ECSIT: variants seen among roughly 807,000 people sequenced by gnomAD.
ECSIT encodes ECSIT signaling integrator.
A neutral mutation model predicts 36.8 loss-of-function variants in ECSIT; 29 were observed. The observed-to-expected ratio is 0.79, with a 90% confidence interval of 0.59 to 1.08. The LOEUF (loss-of-function observed/expected upper bound fraction) is 1.08. Among genes scored for constraint, ECSIT ranks in the 50% least tolerant of loss-of-function variants. The probability of loss-of-function intolerance (pLI) is 0.00; values close to 1 mark genes in which losing one functional copy is unlikely to be tolerated. For missense variants in ECSIT, 542 were observed against 581.0 expected (o/e 0.93, Z 0.69); for synonymous variants, 231 against 234.8 (o/e 0.98, Z 0.15).
chr19:11,516,542 A>T (rs1362077231), intron 2 of ECSIT, among the ~76,000 whole-genome samples: 2 of 152,058 alleles, frequency 1.3e-5, no homozygotes, highest in Admixed American at 6.6e-5. Flanking sequence ...AGTCCCAGCT[A>T]CTCAGGAGGC....
At position 11,514,212 on chromosome 19, in the gene ECSIT, G is replaced by A. The variant is rs140493280; in HGVS notation, c.106C>T (p.Arg36Trp). The A allele has an allele frequency of 1.2e-5, 20 of 1,602,940 alleles. No homozygotes were observed. Among genetic ancestry groups the A allele is most frequent in the East Asian group, 6.7e-5 (3 of 44,700 alleles). ...CTGCAGTGGAGGCCCCGAGGGAGCCGGCGAGGGACCTGGGGAGGGAGGAGA... is the reference window on the plus strand; with the variant it reads ...CTGCAGTGGAGGCCCCGAGGGAGCCAGCGAGGGACCTGGGGAGGGAGGAGA... ...TGTSISQVPR[R>W]LPRGLHCSAA... The change falls in exon 3 of 8, where the codon CGG becomes TGG. Residue 36 changes from arginine to tryptophan, a missense_variant. Transcript: ENST00000270517.
chr19:11,513,975 G>C lies in ECSIT; in HGVS notation c.343C>G (p.Arg115Gly). ...TCGACACCATACTCCCGCATCTTGC[G>C]CAGGGCCAGGTAGATGAAGTCAATG... ...GHIDFIYLALRKMREYGVERD... is the reference protein window; with the variant it reads ...GHIDFIYLALGKMREYGVERD... Residue 115 changes from arginine (R) to glycine (G), a missense_variant, in exon 3 of 8, where the codon CGC (arginine) becomes GGC (glycine). Arg to Gly is a moderately radical substitution (Grantham distance 125). Transcript: ENST00000270517. 6.2e-7 allele frequency: 1 copy of C among 1,614,206 alleles called. No homozygotes were observed. Among genetic ancestry groups the C allele is most frequent in the Non-Finnish European group, 8.5e-7 (1 of 1,180,040 alleles).
At chr19:11,522,808 C>T (rs1599589994) in intron 1 of ECSIT, among the ~76,000 whole-genome samples, 1 of 152,154 alleles carries the variant, frequency 6.6e-6, no homozygotes. Flanking sequence ...CGGTGGCTCA[C>T]GCCTGTAATC....
At chr19:11,525,749 AAAAAAAAAAAAATAC>A (rs1568408117) in intron 1 of ECSIT, 1 of 151,036 alleles carries the variant, frequency 6.6e-6, no homozygotes, top group African/African-American at 2.4e-5. Flanking sequence ...TAACAAAAAA[AAAAAAAAAAAAATAC>A]AAAATTAGCC....
At chr19:11,522,585 A>G (rs1006812863) in intron 1 of ECSIT, 9 of 609,374 alleles carry the variant, frequency 1.5e-5, no homozygotes, top group African/African-American at 9.3e-5. Context: ...ATGGTGGTAC[A>G]TGCCTGTAAT....
chr19:11,518,278 T>G (rs950170413), intron 2 of ECSIT, among the ~76,000 whole-genome samples: 1 of 151,870 alleles, frequency 6.6e-6, no homozygotes, highest in Admixed American at 6.6e-5. Flanking sequence ...ATTACAAAAA[T>G]TAGCTGGGCG....
At position 11,513,051 on chromosome 19, in the gene ECSIT, G is replaced by T; in HGVS notation, c.738+5C>A. 5 of 1,613,604 alleles carry T rather than the reference G, an allele frequency of 3.1e-6. No individual in the cohort carries two copies. The highest frequency in any genetic ancestry group is 1.1e-5 in the South Asian group (1 of 91,068). On this transcript the variant is annotated splice_donor_5th_base_variant and intron_variant, in intron 4 of 7. Coordinates refer to ENST00000270517, the MANE Select transcript of ECSIT (RefSeq NM_016581.5). ...GCAGCTGACGCTGTAGACAAGGGCG[G>T]ATACCTGGTAGATGGTGACCCTGGC... is the stretch of plus-strand genomic sequence containing the variant.
chr19:11,527,027 G>A (rs926262995), intron 1 of ECSIT, among the ~76,000 whole-genome samples: 4 of 152,114 alleles, frequency 2.6e-5, no homozygotes, highest in African/African-American at 9.6e-5. Context: ...GCCAGAGGGA[G>A]CTTTTAAACT....
At chr19:11,525,963 ATCTGCATTTTTTTTTTTCCCAGGCGGAG>A (rs1485510552) in intron 1 of ECSIT, among the ~76,000 whole-genome samples, 1 of 151,102 alleles carries the variant, frequency 6.6e-6, no homozygotes, top group African/African-American at 2.4e-5. Context: ...CTGAACTGGA[ATCTGCATTTTTTTTTTTCCCAGGCGGAG>A]TCTTGCTCTG....
intron 1 of ECSIT, chr19:11,522,550 T>TAAAA: frequency 1.8e-6 from 1 of 569,904 alleles, no homozygotes; most frequent in South Asian, 1.9e-5. Flanking sequence ...AACGCCCCGG[T>TAAAA]AAAAAAAAAA....
chr19:11,508,002 G>T lies in ECSIT; in HGVS notation c.785C>A (p.Pro262His), dbSNP rs1327654120. The change falls in exon 5 of 8, where the codon CCC (proline) becomes CAC (histidine). Residue 262 changes from proline (P) to histidine (H), a missense_variant. Physicochemically the swap from Pro to His is moderately conservative, Grantham distance 77 (BLOSUM62 -2). Transcript: ENST00000270517. ...GCTCTCGGACTTACCTACGATGTGG[G>T]GCTGGGGGGGATCTGCTGCACCTGT... ...DSTGAADPPQ[P>H]HIVGIQSPDQ... is the part of the protein sequence containing the mutation. The T allele has an allele frequency of 6.2e-7, 1 of 1,614,198 alleles. No homozygotes were observed. Among genetic ancestry groups the T allele is most frequent in the Admixed American group, 1.7e-5 (1 of 60,016 alleles).
rs1311035242 is a variant in ECSIT, at chr19:11,507,542, C to T, written c.966G>A (p.Glu322=). The change falls in exon 7 of 8, where the codon GAG becomes GAA. Residue 322 remains glutamate, a synonymous_variant. Coordinates refer to ENST00000270517, the MANE Select transcript of ECSIT (RefSeq NM_016581.5). ...PEEREVEETP[E]EWNLYYPMQL... ...GCATCGGGTAGTAGAGGTTCCACTC[C>T]TCCGGCGTCTCTTCCACTTCCTACT... The T allele has an allele frequency of 5.6e-6, 9 of 1,613,988 alleles. No individual in the cohort carries two copies. Among genetic ancestry groups the T allele is most frequent in the East Asian group, 2.2e-5 (1 of 44,886 alleles).
chr19:11,514,839 A>ATT (rs35947860), intron 2 of ECSIT, among the ~76,000 whole-genome samples: 39 of 136,262 alleles, frequency 2.9e-4, no homozygotes, highest in East Asian at 1.1e-3. Context: ...TTTGCTTGTA[A>ATT]TTTTTTTTTT....
At position 11,506,389 on chromosome 19, in the gene ECSIT, G is replaced by C. The variant is rs1472065358; in HGVS notation, c.1091C>G (p.Ala364Gly). The C allele has an allele frequency of 6.2e-7, 1 of 1,613,500 alleles. No homozygotes were observed. The highest frequency in any genetic ancestry group is 1.3e-5 in the African/African-American group (1 of 74,940). Reference protein sequence around the residue: ...GPVFAMCMAGAHDQATMAKWI... With the variant: ...GPVFAMCMAGGHDQATMAKWI... The stretch of plus-strand genomic sequence containing the variant: ...CTTAGCCATCGTCGCCTGGTCATGA[G>C]CACCCGCCATGCACATGGCGAAGAC... The change falls in exon 8 of 8, where the codon GCT becomes GGT. Residue 364 changes from alanine (A) to glycine (G), a missense_variant. Transcript: ENST00000270517.
In ECSIT at chr19:11,514,229, G is replaced by C. The variant is rs776159913; in HGVS notation, c.97-8C>G. The C allele has an allele frequency of 1.3e-6, 2 of 1,595,072 alleles. No individual in the cohort carries two copies. Among genetic ancestry groups the C allele is most frequent in the African/African-American group, 1.3e-5 (1 of 74,490 alleles). On this transcript the variant is annotated splice_region_variant and splice_polypyrimidine_tract_variant and intron_variant, in intron 2 of 7. Coordinates refer to ENST00000270517, the MANE Select transcript of ECSIT (RefSeq NM_016581.5). Reference sequence around the variant, plus strand: ...AGGGAGCCGGCGAGGGACCTGGGGAGGGAGGAGAACTGCTGGAATCTGGCA... The same window carrying C: ...AGGGAGCCGGCGAGGGACCTGGGGACGGAGGAGAACTGCTGGAATCTGGCA...
At chr19:11,523,980 G>T in intron 1 of ECSIT, 2 of 331,794 alleles carry the variant, frequency 6.0e-6, no homozygotes, top group South Asian at 5.5e-5. Context: ...GAGTACAGTG[G>T]TATGATCATG....
intron 2 of ECSIT, 97 bp downstream of exon 2, chr19:11,518,978 C>T (rs1365046999): frequency 9.7e-7 from 1 of 1,028,980 alleles, no homozygotes; most frequent in Non-Finnish European, 1.5e-6. Flanking sequence ...AGCCCAGACT[C>T]ACCAGAACTG....
In ECSIT at chr19:11,505,945, C is replaced by T. The variant is rs1245569792; in HGVS notation, c.*239G>A. On this transcript the variant is annotated 3_prime_UTR_variant, in exon 8 of 8. Coordinates refer to ENST00000270517, the MANE Select transcript of ECSIT (RefSeq NM_016581.5). ...AACTGCGCATGCGCACAACCAACAG[C>T]GCTCCCGCCCCTTTTTATTTGAATT... is the stretch of plus-strand genomic sequence containing the variant. The T allele has an allele frequency of 6.7e-6, 6 of 890,776 alleles. No individual in the cohort carries two copies. Among genetic ancestry groups the T allele is most frequent in the East Asian group, 5.8e-5 (2 of 34,242 alleles). The allele number at this position is 890,776 out of a possible 1,614,324, so 55.2% of individuals were successfully genotyped here.
chr19:11,513,777 C>A, intron 3 of ECSIT, 27 bp downstream of exon 3: 1 of 1,612,992 alleles, frequency 6.2e-7, no homozygotes, highest in Non-Finnish European at 8.5e-7. Context: ...GCCCACTCCC[C>A]ACCCTGCGCC....
Sources: gnomAD v4.1 joint callset for allele counts (sites outside exome capture counted in the v4.1 genomes callset) on GRCh38, gnomAD v4.1.1 for gene constraint, MANE v1.5 for transcripts, NCBI Gene and HGNC (gene_info 2026-07-23, HGNC 2026-07-21) for gene names.